Variants in RABGAP1L observed in about 807,000 individuals in gnomAD.
The protein encoded by RABGAP1L is rab GTPase-activating protein 1-like.
RABGAP1L carries 63 observed loss-of-function variants against 137.7 expected under a neutral mutation model. The observed-to-expected ratio is 0.46, with a 90% CI of 0.37 to 0.56. The LOEUF (loss-of-function observed/expected upper bound fraction) is 0.56, where lower values mean the gene tolerates loss of function less well. RABGAP1L is among the 20% of genes least tolerant of loss of function. The pLI is 0.00. For synonymous variants in RABGAP1L, 431 were observed against 433.7 expected (o/e 0.99, Z 0.08); for missense variants, 1,095 against 1,244.0 (o/e 0.88, Z 1.80).
intron 17 of RABGAP1L, among the ~76,000 whole-genome samples, chr1:174,745,141 T>C (rs942059128): frequency 2.0e-5 from 3 of 152,210 alleles, no homozygotes; most frequent in African/African-American, 4.8e-5. Flanking sequence ...ATCTACCACT[T>C]TGGTGATTCT....
chr1:174,488,178 A>AAACAAAAGCCAAAGGCC (rs1437274741), intron 13 of RABGAP1L, among the ~76,000 whole-genome samples: 3 of 151,732 alleles, frequency 2.0e-5, no homozygotes, highest in Admixed American at 6.6e-5. Flanking sequence ...TTTCTTTCTG[A>AAACAAAAGCCAAAGGCC]TTGAACTACT....
chr1:174,931,558 C>T, intron 19 of RABGAP1L, among the ~76,000 whole-genome samples: 1 of 152,054 alleles, frequency 6.6e-6, no homozygotes. Context: ...TTTTACTAGG[C>T]TATATTAGTC....
At chr1:174,274,703 AAGTGACCTTG>A (rs1427070609) in intron 8 of RABGAP1L, among the ~76,000 whole-genome samples, 1 of 151,656 alleles carries the variant, frequency 6.6e-6, no homozygotes, top group Non-Finnish European at 1.5e-5. Flanking sequence ...TTTCGTTTAC[AAGTGACCTTG>A]AGTGTATTTC....
rs115449969 is a variant in RABGAP1L at position 174,560,528 on chromosome 1, C to T, written c.1711-76847C>T. 4.7e-3 allele frequency among the ~76,000 whole-genome samples: 716 copies of T among 152,322 alleles called. 10 individuals carry two copies. Among genetic ancestry groups the T allele is most frequent in the African/African-American group, 0.016 (665 of 41,566 alleles). On this transcript the variant is annotated intron_variant, in intron 13 of 25. Transcript: ENST00000681986. ...GTGATGATTCTGGGAGGCAGAATTG[C>T]TGCTGATGGAGAACCACTACTTTAT...
chr1:174,609,967 T>C (rs1172074592), intron 13 of RABGAP1L, among the ~76,000 whole-genome samples: 1 of 151,688 alleles, frequency 6.6e-6, no homozygotes, highest in Non-Finnish European at 1.5e-5. Context: ...TGTTCATAGT[T>C]TATATAATAT....
intron 13 of RABGAP1L, among the ~76,000 whole-genome samples, chr1:174,465,823 A>G (rs1295399651): frequency 6.6e-6 from 1 of 152,184 alleles, no homozygotes; most frequent in African/African-American, 2.4e-5. Flanking sequence ...ATATGATCTT[A>G]TGGTGAAAGA....
chr1:174,823,214 T>A (rs1691224640), intron 19 of RABGAP1L, among the ~76,000 whole-genome samples: 1 of 152,204 alleles, frequency 6.6e-6, no homozygotes, highest in Admixed American at 6.5e-5. Flanking sequence ...CAAAACCTAA[T>A]GATTATGCTC....
chr1:174,530,200 C>T (rs1664266230), intron 13 of RABGAP1L, among the ~76,000 whole-genome samples: 2 of 151,612 alleles, frequency 1.3e-5, no homozygotes, highest in East Asian at 2.0e-4. Flanking sequence ...GGGTGTACTA[C>T]TTGCACCTCA....
chr1:174,672,586 G>A (rs867686038), intron 14 of RABGAP1L, among the ~76,000 whole-genome samples: 9 of 151,480 alleles, frequency 5.9e-5, no homozygotes, highest in South Asian at 2.1e-4. Context: ...TTCTTTGTAG[G>A]CATTTATTGC....
chr1:174,849,965 C>G (rs1452184013), intron 19 of RABGAP1L: 1 of 725,962 alleles, frequency 1.4e-6, no homozygotes. Context: ...AATCAACATA[C>G]ACATCTTTTA....
chr1:174,226,397 T>TA (rs1232080573), intron 3 of RABGAP1L, among the ~76,000 whole-genome samples: 3 of 152,086 alleles, frequency 2.0e-5, no homozygotes, highest in South Asian at 2.1e-4. Flanking sequence ...CCAATCTCAA[T>TA]AAAAAAAGAA....
At chr1:174,215,084 A>G (rs919817349) in intron 1 of RABGAP1L, among the ~76,000 whole-genome samples, 1 of 152,184 alleles carries the variant, frequency 6.6e-6, no homozygotes, top group Non-Finnish European at 1.5e-5. Context: ...TTTTCAAACT[A>G]CCTATCTGAC....
intron 18 of RABGAP1L, among the ~76,000 whole-genome samples, chr1:174,785,352 C>G (rs770820468): frequency 3.3e-5 from 5 of 152,230 alleles, no homozygotes; most frequent in Non-Finnish European, 7.3e-5. Context: ...GCGTGAGCCA[C>G]TGCACTCACC....
At chr1:174,295,376 C>G (rs1330892666) in intron 10 of RABGAP1L, among the ~76,000 whole-genome samples, 2 of 151,872 alleles carry the variant, frequency 1.3e-5, no homozygotes, top group African/African-American at 4.8e-5. Flanking sequence ...CCACACCTGG[C>G]TAGTTTTTCT....
At chr1:174,257,413 T>C (rs1476907974) in intron 7 of RABGAP1L, among the ~76,000 whole-genome samples, 1 of 152,168 alleles carries the variant, frequency 6.6e-6, no homozygotes, top group African/African-American at 2.4e-5. Context: ...TAGACAAATA[T>C]AGGTGAAATA....
intron 13 of RABGAP1L, among the ~76,000 whole-genome samples, chr1:174,440,532 T>G (rs1359903054): frequency 6.6e-6 from 1 of 152,142 alleles, no homozygotes; most frequent in African/African-American, 2.4e-5. Flanking sequence ...ATTTTTAAAT[T>G]TATTGAAGGA....
chr1:174,313,053 G>A (rs557587159), intron 11 of RABGAP1L, among the ~76,000 whole-genome samples: 2 of 152,046 alleles, frequency 1.3e-5, no homozygotes, highest in Admixed American at 6.6e-5. Flanking sequence ...TCAGCCTCCC[G>A]AGTAGCTGGG....
intron 13 of RABGAP1L, among the ~76,000 whole-genome samples, chr1:174,472,418 AG>A (rs1276207731): frequency 6.6e-6 from 1 of 152,216 alleles, no homozygotes; most frequent in Non-Finnish European, 1.5e-5. Context: ...AATTTTGTTG[AG>A]GGTTCTGCCT....
At chr1:174,546,120 G>A (rs1044444311) in intron 13 of RABGAP1L, among the ~76,000 whole-genome samples, 3 of 152,036 alleles carry the variant, frequency 2.0e-5, no homozygotes, top group African/African-American at 7.2e-5. Context: ...TTGATATTCT[G>A]GTAGCTCTTC....
Sources: allele counts gnomAD v4.1 joint callset (sites outside exome capture counted in the v4.1 genomes callset), GRCh38; gene constraint gnomAD v4.1.1; transcripts MANE v1.5; gene names NCBI Gene and HGNC (gene_info 2026-07-23, HGNC 2026-07-21).